The following NKAIN3 variants were observed in gnomAD, a reference collection of about 807,000 sequenced individuals.
NKAIN3 encodes the protein sodium/potassium-transporting ATPase subunit beta-1-interacting protein 3.
A neutral mutation model predicts 30.2 loss-of-function variants in NKAIN3; 25 were observed. The observed-to-expected ratio is 0.83, with a 90% CI of 0.60 to 1.16. The LOEUF (loss-of-function observed/expected upper bound fraction) is 1.16. Among genes scored for constraint, NKAIN3 ranks in the 50% most tolerant of loss-of-function variants. The pLI, the probability that NKAIN3 is intolerant of heterozygous loss-of-function variation, is 0.00. For synonymous variants in NKAIN3, 91 were observed against 89.6 expected, an observed-to-expected ratio of 1.02 and a Z score of -0.09; for missense variants, 225 against 254.1, an observed-to-expected ratio of 0.89 and a Z score of 0.78.
chr8:62,435,775 T>C (rs1243744588), intron 1 of NKAIN3, among the ~76,000 whole-genome samples: 3 of 152,214 alleles, frequency 2.0e-5, no homozygotes, highest in Non-Finnish European at 4.4e-5. Context: ...CATTTTGATG[T>C]ACATTATTTT....
chr8:62,470,370 A>G (rs1276197611), intron 1 of NKAIN3, among the ~76,000 whole-genome samples: 1 of 152,174 alleles, frequency 6.6e-6, no homozygotes, highest in Non-Finnish European at 1.5e-5. Flanking sequence ...CCTGATAGCC[A>G]TCCACAAATA....
intron 1 of NKAIN3, among the ~76,000 whole-genome samples, chr8:62,366,505 C>T (rs908779060): frequency 3.9e-5 from 6 of 152,178 alleles, no homozygotes; most frequent in Admixed American, 6.5e-5. Flanking sequence ...GGATTAAAGG[C>T]GTGAGCCACT....
Position 62,358,086 on chromosome 8 carries a change from G to A in NKAIN3, c.54+108959G>A, listed in dbSNP as rs868832369. Among the ~76,000 whole-genome samples the A allele has an allele frequency of 2.1e-4, 32 of 152,076 alleles. 1 individual carries two copies. Among genetic ancestry groups the A allele is most frequent in the Middle Eastern group, 6.8e-3 (2 of 292 alleles). On this transcript the variant is annotated intron_variant, in intron 1 of 6. Transcript: ENST00000623646. ...TCATGGAGATAACAGATGGGAAAGC[G>A]GCATAAGGTATGCCTAATTTATCAA...
At chr8:62,776,474 G>C (rs1817195367) in intron 4 of NKAIN3, among the ~76,000 whole-genome samples, 1 of 152,012 alleles carries the variant, frequency 6.6e-6, no homozygotes. Context: ...AAGTTACAAT[G>C]AGGCTTGCAA....
At chr8:62,710,658 T>C (rs1232803177) in intron 3 of NKAIN3, among the ~76,000 whole-genome samples, 1 of 152,206 alleles carries the variant, frequency 6.6e-6, no homozygotes, top group Non-Finnish European at 1.5e-5. Context: ...GGTTGGTGAG[T>C]TCTTATCCAT....
intron 1 of NKAIN3, among the ~76,000 whole-genome samples, chr8:62,292,618 T>C (rs1044247681): frequency 6.6e-6 from 1 of 152,228 alleles, no homozygotes; most frequent in African/African-American, 2.4e-5. Flanking sequence ...GTTAGTCTGA[T>C]GGGCTTCCCT....
At chr8:62,371,793 T>A (rs1354794006) in intron 1 of NKAIN3, among the ~76,000 whole-genome samples, 1 of 151,984 alleles carries the variant, frequency 6.6e-6, no homozygotes, top group Non-Finnish European at 1.5e-5. Flanking sequence ...TTATTGTATG[T>A]TGCTGTTTCT....
At chr8:62,931,904 T>A (rs1254558922) in intron 5 of NKAIN3, among the ~76,000 whole-genome samples, 1 of 152,194 alleles carries the variant, frequency 6.6e-6, no homozygotes, top group Non-Finnish European at 1.5e-5. Context: ...CCTGATGGAA[T>A]CCTGTATTCT....
intron 4 of NKAIN3, among the ~76,000 whole-genome samples, chr8:62,895,056 G>A (rs1821392365): frequency 6.6e-6 from 1 of 152,156 alleles, no homozygotes; most frequent in South Asian, 2.1e-4. Flanking sequence ...GTTTTAAGCT[G>A]GATACTTTGC....
At chr8:62,835,739 G>A (rs555423698) in intron 4 of NKAIN3, among the ~76,000 whole-genome samples, 1 of 152,242 alleles carries the variant, frequency 6.6e-6, no homozygotes, top group South Asian at 2.1e-4. Flanking sequence ...CACCCTGCTG[G>A]TGGGAATATA....
In NKAIN3 at chr8:62,465,370, CACA is replaced by C. The variant is rs145496317; in HGVS notation, c.55-114160_55-114158del. Reference sequence around the variant, plus strand: ...CATTTAAATAAAACAAGAACGTTAACACAACAACAACTGCAGAATAAACAAACT... The same window carrying C: ...CATTTAAATAAAACAAGAACGTTAACACAACAACTGCAGAATAAACAAACT... On this transcript the variant is annotated intron_variant, in intron 1 of 6. Transcript: ENST00000623646. 2.8e-4 allele frequency among the ~76,000 whole-genome samples: 42 copies of C among 152,122 alleles called. No individual in the cohort carries two copies. The Middle Eastern group carries it at 0.01, about 37-fold the overall frequency.
rs34402019 is a variant in NKAIN3, at chr8:62,813,499, C to CTT, written c.471+66383_471+66384dup. 7.1e-3 allele frequency among the ~76,000 whole-genome samples: 1,008 copies of CTT among 141,564 alleles called. 12 individuals are homozygous for CTT. Among genetic ancestry groups the CTT allele is most frequent in the African/African-American group, 0.024 (946 of 38,830 alleles). The allele number at this position is 141,564 out of a possible 152,430, so 92.9% of individuals were successfully genotyped here. On this transcript the variant is annotated intron_variant, in intron 4 of 6. Coordinates refer to ENST00000623646, the MANE Select transcript of NKAIN3 (RefSeq NM_001304533.3). ...GTAGGCAGCATACAGTTGAGTCTTC[C>CTT]TTTTTTTTTTTTTTATTAATCCATT... is the stretch of plus-strand genomic sequence containing the variant.
intron 4 of NKAIN3, among the ~76,000 whole-genome samples, chr8:62,868,999 ACT>A (rs145994414): frequency 0.015 from 2,272 of 151,970 alleles, 31 homozygotes; most frequent in Non-Finnish European, 0.023. Flanking sequence ...CTGGCAGTAG[ACT>A]CTGTTGATGG....
chr8:62,986,306 T>C (rs1261904901), downstream of NKAIN3, among the ~76,000 whole-genome samples: 1 of 152,188 alleles, frequency 6.6e-6, no homozygotes, highest in Non-Finnish European at 1.5e-5. Flanking sequence ...TTGTTTTGGG[T>C]TAAACGAATG....
intron 1 of NKAIN3, among the ~76,000 whole-genome samples, chr8:62,475,918 A>T (rs1011483398): frequency 2.6e-5 from 4 of 152,342 alleles, no homozygotes; most frequent in African/African-American, 9.6e-5. Context: ...TCTCTTCTTG[A>T]ACTTGGGCAA....
intron 1 of NKAIN3, chr8:62,473,508 T>A (rs1394428144): frequency 6.6e-6 from 1 of 152,200 alleles, no homozygotes; most frequent in African/African-American, 2.4e-5. Flanking sequence ...GACTTCTCTA[T>A]GGAAGACCTA....
chr8:62,560,531 CTTTTTTTTTTTTTTT>C (rs869256384), intron 1 of NKAIN3, among the ~76,000 whole-genome samples: 1 of 45,362 alleles, frequency 2.2e-5, no homozygotes, highest in Non-Finnish European at 3.7e-5. Context: ...TTTTTCTTTT[CTTTTTTTTTTTTTTT>C]TTTTTTTTTT....
intron 4 of NKAIN3, among the ~76,000 whole-genome samples, chr8:62,805,772 C>T (rs1332787913): frequency 6.6e-6 from 1 of 152,148 alleles, no homozygotes; most frequent in Non-Finnish European, 1.5e-5. Flanking sequence ...ACACCAAAAG[C>T]AATGGCAACA....
chr8:62,542,357 G>T (rs1299557347), intron 1 of NKAIN3, among the ~76,000 whole-genome samples: 3 of 152,094 alleles, frequency 2.0e-5, no homozygotes, highest in African/African-American at 7.2e-5. Flanking sequence ...GTGAAAAGGG[G>T]TTTCTCAGGT....
Sources: gnomAD v4.1 joint callset for allele counts (sites outside exome capture counted in the v4.1 genomes callset) on GRCh38, gnomAD v4.1.1 for gene constraint, MANE v1.5 for transcripts, NCBI Gene and HGNC (gene_info 2026-07-23, HGNC 2026-07-21) for gene names.